The following NXPE2 variants were observed in gnomAD, a reference collection of about 807,000 sequenced individuals.
NXPE2 encodes neurexophilin and PC-esterase domain family member 2, also known as NXPE family member 2.
Under a neutral mutation model 34.4 loss-of-function variants are expected in NXPE2, and 34 were observed. That is an observed-to-expected ratio of 0.99 (90% CI 0.75 to 1.31). NXPE2 has a LOEUF of 1.31. NXPE2 is among the 40% of genes most tolerant of loss of function. NXPE2 has a pLI of 0.00. For missense variants in NXPE2, 649 were observed against 672.5 expected (o/e 0.97, Z 0.39); for synonymous variants, 235 against 231.3 (o/e 1.02, Z -0.15).
chr11:114,625,605 A>C, the NXPE2 span, among the ~76,000 whole-genome samples: 1 of 152,170 alleles, frequency 6.6e-6, no homozygotes, highest in Non-Finnish European at 1.5e-5. Context: ...CTGGTGGATA[A>C]TAAATATTGC....
chr11:114,715,570 A>G, the NXPE2 span, among the ~76,000 whole-genome samples: 1 of 152,202 alleles, frequency 6.6e-6, no homozygotes, highest in African/African-American at 2.4e-5. Flanking sequence ...AAATAAATAC[A>G]TGTTTATGAA....
At chr11:114,629,586 A>T in the NXPE2 span, among the ~76,000 whole-genome samples, 2 of 151,952 alleles carry the variant, frequency 1.3e-5, no homozygotes, top group African/African-American at 4.8e-5. Context: ...CAAAAACTGG[A>T]AGCATTCCCT....
At chr11:114,740,565 T>A in the NXPE2 span, among the ~76,000 whole-genome samples, 2 of 152,202 alleles carry the variant, frequency 1.3e-5, no homozygotes, top group South Asian at 2.1e-4. Flanking sequence ...AAAATGACTA[T>A]ACCAATTTAC....
At chr11:114,552,504 T>C in the NXPE2 span, among the ~76,000 whole-genome samples, 1 of 152,060 alleles carries the variant, frequency 6.6e-6, no homozygotes, top group Non-Finnish European at 1.5e-5. Flanking sequence ...AGAATCCCGA[T>C]TTTTAGACCA....
chr11:114,774,763 C>G, the NXPE2 span, among the ~76,000 whole-genome samples: 1 of 152,088 alleles, frequency 6.6e-6, no homozygotes, highest in African/African-American at 2.4e-5. Context: ...GACTCAAGCC[C>G]GAGCTCCTGC....
chr11:114,792,588 G>A, the NXPE2 span, among the ~76,000 whole-genome samples: 1 of 152,140 alleles, frequency 6.6e-6, no homozygotes, highest in South Asian at 2.1e-4. Flanking sequence ...GGAAGTAGAA[G>A]CCATGTGATA....
the NXPE2 span, among the ~76,000 whole-genome samples, chr11:114,467,340 T>C: frequency 6.6e-6 from 1 of 152,318 alleles, no homozygotes; most frequent in African/African-American, 2.4e-5. Flanking sequence ...TCCAGTTCGT[T>C]CCACATTTTT....
the NXPE2 span, among the ~76,000 whole-genome samples, chr11:114,468,677 C>G: frequency 6.6e-6 from 1 of 152,244 alleles, no homozygotes; most frequent in South Asian, 2.1e-4. Flanking sequence ...CTAAAATGCA[C>G]AGGTTAGTCC....
the NXPE2 span, among the ~76,000 whole-genome samples, chr11:114,659,341 T>C: frequency 6.6e-6 from 1 of 151,938 alleles, no homozygotes. Context: ...CAAGATGAAG[T>C]ATCGTTTTGA....
chr11:114,782,586 A>G, the NXPE2 span, among the ~76,000 whole-genome samples: 5 of 152,240 alleles, frequency 3.3e-5, no homozygotes, highest in African/African-American at 1.2e-4. Flanking sequence ...CCCACTTTAC[A>G]GACAAGGAAA....
chr11:114,482,826 T>C, the NXPE2 span, among the ~76,000 whole-genome samples: 1 of 152,234 alleles, frequency 6.6e-6, no homozygotes, highest in East Asian at 1.9e-4. Flanking sequence ...TTTGTTCCCA[T>C]AGGAGGTGTG....
the NXPE2 span, among the ~76,000 whole-genome samples, chr11:114,798,843 A>G: frequency 6.6e-6 from 1 of 152,032 alleles, no homozygotes; most frequent in Non-Finnish European, 1.5e-5. Flanking sequence ...GACTGTGTCC[A>G]TCTCTTTCAA....
chr11:114,647,708 T>TTA, the NXPE2 span, among the ~76,000 whole-genome samples: 6 of 151,476 alleles, frequency 4.0e-5, no homozygotes, highest in African/African-American at 1.5e-4. Flanking sequence ...TTATTTTATT[T>TTA]TTTTTTTTTT....
the NXPE2 span, among the ~76,000 whole-genome samples, chr11:114,732,239 A>T: frequency 6.6e-6 from 1 of 152,218 alleles, no homozygotes; most frequent in African/African-American, 2.4e-5. Context: ...CATTGTAGTC[A>T]GTTCCCTCCC....
chr11:114,652,466 T>G, the NXPE2 span, among the ~76,000 whole-genome samples: 2 of 152,178 alleles, frequency 1.3e-5, no homozygotes, highest in Non-Finnish European at 1.5e-5. Context: ...TGTGTTAAGC[T>G]TTTAGGGTCA....
At chr11:114,642,937 C>A in the NXPE2 span, among the ~76,000 whole-genome samples, 1 of 152,098 alleles carries the variant, frequency 6.6e-6, no homozygotes, top group African/African-American at 2.4e-5. Flanking sequence ...TGTTTCCTGA[C>A]ATTTTAATGA....
the NXPE2 span, among the ~76,000 whole-genome samples, chr11:114,516,361 A>G: frequency 6.6e-6 from 1 of 152,090 alleles, no homozygotes; most frequent in Non-Finnish European, 1.5e-5. Context: ...GTTAAGAGAA[A>G]ACAGATTTAA....
At chr11:114,508,511 A>T in the NXPE2 span, among the ~76,000 whole-genome samples, 5 of 152,248 alleles carry the variant, frequency 3.3e-5, no homozygotes, top group Non-Finnish European at 7.3e-5. Context: ...GGCTACAGTA[A>T]CCAAAACAGC....
the NXPE2 span, among the ~76,000 whole-genome samples, chr11:114,757,147 T>C: frequency 6.6e-6 from 1 of 152,208 alleles, no homozygotes; most frequent in Non-Finnish European, 1.5e-5. Flanking sequence ...TTTTCTATTC[T>C]TGGAATAAAA....
Sources: gnomAD v4.1 joint callset for allele counts (sites outside exome capture counted in the v4.1 genomes callset) on GRCh38, gnomAD v4.1.1 for gene constraint, MANE v1.5 for transcripts, NCBI Gene and HGNC (gene_info 2026-07-23, HGNC 2026-07-21) for gene names.